The following NPSR1 variants were observed in gnomAD, a reference collection of about 807,000 sequenced individuals.
NPSR1 encodes the protein neuropeptide S receptor 1.
In NPSR1, 48 loss-of-function variants were observed where a neutral mutation model predicts 46.9. The observed-to-expected ratio is 1.02, with a 90% CI of 0.81 to 1.30. The LOEUF (loss-of-function observed/expected upper bound fraction) is 1.30, where lower values mean the gene tolerates loss of function less well. Among genes scored for constraint, NPSR1 ranks in the 50% most tolerant of loss-of-function variants. The probability of loss-of-function intolerance (pLI) is 0.00; values close to 1 mark genes in which losing one functional copy is unlikely to be tolerated. For missense variants in NPSR1, 450 were observed against 449.5 expected (o/e 1.00, Z -0.01); for synonymous variants, 176 against 168.1 (o/e 1.05, Z -0.36).
intron 2 of NPSR1, among the ~76,000 whole-genome samples, chr7:34,726,577 A>G (rs1200864761): frequency 6.6e-6 from 1 of 152,228 alleles, no homozygotes; most frequent in Non-Finnish European, 1.5e-5. Context: ...TATAGTAGTT[A>G]TATTCATAAC....
At chr7:34,872,624 G>A (rs561073210) in intron 8 of NPSR1, among the ~76,000 whole-genome samples, 2 of 151,750 alleles carry the variant, frequency 1.3e-5, no homozygotes, top group Non-Finnish European at 2.9e-5. Context: ...CACATGGCTG[G>A]GGAGGCCTCA....
rs1455195132 is a variant in NPSR1 at position 34,791,034 on chromosome 7, A to G, written c.384+12469A>G. On this transcript the variant is annotated intron_variant, in intron 3 of 8. Transcript: ENST00000360581. ...TTATATTATATATGTTATATGTTAT[A>G]TATTATATTATATATGTTATATGTT... Among the ~76,000 whole-genome samples the G allele has an allele frequency of 1.6e-5, 2 of 121,558 alleles. 1 individual carries two copies. Among genetic ancestry groups the G allele is most frequent in the Non-Finnish European group, 3.1e-5 (2 of 63,836 alleles). 79.7% of individuals were successfully genotyped at this position (121,558 alleles called of 152,430 possible).
chr7:34,781,312 T>C (rs1211333169), intron 3 of NPSR1, among the ~76,000 whole-genome samples: 4 of 152,130 alleles, frequency 2.6e-5, no homozygotes, highest in Non-Finnish European at 5.9e-5. Flanking sequence ...GTAGGAGATA[T>C]TCATCCCTCC....
intron 4 of NPSR1, among the ~76,000 whole-genome samples, chr7:34,813,861 C>T (rs1789112695): frequency 6.6e-6 from 1 of 152,184 alleles, no homozygotes; most frequent in Non-Finnish European, 1.5e-5. Context: ...TTTGATCATG[C>T]TTGTTATGCC....
At chr7:34,729,640 A>G (rs1179868665) in intron 2 of NPSR1, among the ~76,000 whole-genome samples, 1 of 152,234 alleles carries the variant, frequency 6.6e-6, no homozygotes, top group Non-Finnish European at 1.5e-5. Flanking sequence ...AAAGAAGATG[A>G]TTATAAAACC....
intron 8 of NPSR1, among the ~76,000 whole-genome samples, chr7:34,855,847 T>C (rs1791036789): frequency 6.6e-6 from 1 of 152,166 alleles, no homozygotes; most frequent in Non-Finnish European, 1.5e-5. Context: ...AGGAATGCAA[T>C]GTTGGCTTAC....
chr7:34,675,336 C>T (rs1792262901), intron 1 of NPSR1, among the ~76,000 whole-genome samples: 1 of 152,176 alleles, frequency 6.6e-6, no homozygotes, highest in Non-Finnish European at 1.5e-5. Flanking sequence ...GTTAAAGATA[C>T]TTAGGCTTTT....
intron 8 of NPSR1, among the ~76,000 whole-genome samples, chr7:34,876,528 T>C (rs1158344324): frequency 6.6e-6 from 1 of 152,184 alleles, no homozygotes; most frequent in Admixed American, 6.5e-5. Context: ...GTCCTGCCCA[T>C]GTCACCCCCT....
chr7:34,736,204 A>T (rs769958987), intron 2 of NPSR1, among the ~76,000 whole-genome samples: 2 of 151,474 alleles, frequency 1.3e-5, no homozygotes, highest in African/African-American at 2.4e-5. Context: ...ACATCTGATC[A>T]CTCCCTCCTC....
At position 34,750,664 on chromosome 7, in the gene NPSR1, C is replaced by T. The variant is rs1417206413; in HGVS notation, c.281-27798C>T. 6 of 696,744 alleles carry T rather than the reference C, an allele frequency of 8.6e-6. No individual in the cohort carries two copies. The Admixed American group carries it at 1.1e-4, about 13-fold the overall frequency. 43.2% of individuals were successfully genotyped at this position (696,744 alleles called of 1,614,324 possible). ...CATGTTGTAGCTTGCCCATAACTGA[C>T]AAAAAAGAACTGAAGATGGACTCAT... On this transcript the variant is annotated intron_variant, in intron 2 of 8. Transcript: ENST00000360581.
At chr7:34,830,328 C>G (rs1192615425) in intron 5 of NPSR1, among the ~76,000 whole-genome samples, 2 of 152,012 alleles carry the variant, frequency 1.3e-5, no homozygotes, top group Admixed American at 1.3e-4. Context: ...TTCATGCATG[C>G]TATATATGCT....
chr7:34,711,040 C>G (rs1329803818), intron 2 of NPSR1: 1 of 349,974 alleles, frequency 2.9e-6, no homozygotes, highest in East Asian at 7.2e-5. Context: ...TCATCAGGAT[C>G]AGAGATATCA....
chr7:34,876,275 A>G (rs531136627), intron 8 of NPSR1, among the ~76,000 whole-genome samples: 152 of 152,140 alleles, frequency 1.0e-3, no homozygotes, highest in African/African-American at 1.7e-3. Context: ...CAAAACCCTT[A>G]CCCCACATAC....
chr7:34,807,893 C>A, intron 3 of NPSR1, among the ~76,000 whole-genome samples: 1 of 151,846 alleles, frequency 6.6e-6, no homozygotes, highest in African/African-American at 2.4e-5. Flanking sequence ...GCCCCTACCC[C>A]CCACCACCAC....
intron 2 of NPSR1, among the ~76,000 whole-genome samples, chr7:34,757,787 C>T (rs888443327): frequency 2.6e-5 from 4 of 152,186 alleles, no homozygotes; most frequent in African/African-American, 4.8e-5. Flanking sequence ...CATATCTGCT[C>T]CTACCTTCCG....
chr7:34,866,195 T>A (rs1355489817), intron 8 of NPSR1, among the ~76,000 whole-genome samples: 1 of 151,778 alleles, frequency 6.6e-6, no homozygotes, highest in African/African-American at 2.4e-5. Flanking sequence ...CAGAGGTGGA[T>A]GCCGATGGAT....
At chr7:34,672,051 C>T (rs10486653) in intron 1 of NPSR1, among the ~76,000 whole-genome samples, 37,671 of 152,072 alleles carry the variant, frequency 0.25, 4,896 homozygotes, top group South Asian at 0.34. Flanking sequence ...TTGGTTCCTA[C>T]GACATTGTAG....
At chr7:34,766,690 A>G (rs1786448980) in intron 2 of NPSR1, among the ~76,000 whole-genome samples, 1 of 151,750 alleles carries the variant, frequency 6.6e-6, no homozygotes, top group African/African-American at 2.4e-5. Flanking sequence ...CTCCTGCCTC[A>G]GCCTCCCGAG....
intron 2 of NPSR1, among the ~76,000 whole-genome samples, chr7:34,777,068 T>C (rs1012082556): frequency 2.0e-5 from 3 of 152,114 alleles, no homozygotes; most frequent in African/African-American, 7.2e-5. Context: ...AGAACTCCCT[T>C]AGCCACCCAA....
Sources: gnomAD v4.1 joint callset for allele counts (sites outside exome capture counted in the v4.1 genomes callset) on GRCh38, gnomAD v4.1.1 for gene constraint, MANE v1.5 for transcripts, NCBI Gene and HGNC (gene_info 2026-07-23, HGNC 2026-07-21) for gene names.